Variants in TXNRD1 observed in about 807,000 individuals in gnomAD.
TXNRD1 encodes thioredoxin reductase 1.
A neutral mutation model predicts 80.3 loss-of-function variants in TXNRD1; 57 were observed. The ratio of observed to expected loss-of-function variants is 0.71; its 90% confidence interval spans 0.57 to 0.89. The LOEUF is 0.89. Among genes scored for constraint, TXNRD1 ranks in the 40% least tolerant of loss-of-function variants. TXNRD1 has a pLI of 0.00. For missense variants in TXNRD1, 730 were observed against 803.0 expected (o/e 0.91, Z 1.10); for synonymous variants, 291 against 285.2 (o/e 1.02, Z -0.20).
chr12:104,339,467 G>A (rs1422164155), intron 16 of TXNRD1, 194 bp downstream of exon 16: 2 of 772,514 alleles, frequency 2.6e-6, no homozygotes, highest in Non-Finnish European at 2.3e-6. Flanking sequence ...CTTCCGTCAT[G>A]TCGTTAAGTG....
chr12:104,326,469 T>C, intron 12 of TXNRD1, 46 bp downstream of exon 12: 2 of 1,274,162 alleles, frequency 1.6e-6, no homozygotes, highest in Non-Finnish European at 2.2e-6. Context: ...GATTTTTTTT[T>C]TTTTTTTTTT....
chr12:104,289,739 TAA>T (rs5800616), intron 4 of TXNRD1, among the ~76,000 whole-genome samples: 33,421 of 150,250 alleles, frequency 0.22, 3,801 homozygotes, highest in Middle Eastern at 0.3. Context: ...TTTATGTATT[TAA>T]AAAAAAAAAA....
chr12:104,235,902 G>A (rs552528482), intron 1 of TXNRD1, among the ~76,000 whole-genome samples: 41 of 152,324 alleles, frequency 2.7e-4, no homozygotes, highest in African/African-American at 9.4e-4. Flanking sequence ...CTTGTGCTAA[G>A]TCAGTTCCTG....
At chr12:104,251,459 A>G (rs2033115673) in intron 1 of TXNRD1, 68 bp from the exon 2 acceptor site, 1 of 1,507,314 alleles carries the variant, frequency 6.6e-7, no homozygotes, top group Admixed American at 1.9e-5. Context: ...GAGTGAACCT[A>G]ATATTAGAAA....
At chr12:104,245,647 T>A (rs1455532881) in intron 1 of TXNRD1, among the ~76,000 whole-genome samples, 4 of 45,532 alleles carry the variant, frequency 8.8e-5, no homozygotes, top group African/African-American at 2.7e-4. Flanking sequence ...AGACCCTGTC[T>A]CAAAAAAAAA....
At chr12:104,347,632 G>A (rs766686980) in intron 16 of TXNRD1, among the ~76,000 whole-genome samples, 12 of 152,192 alleles carry the variant, frequency 7.9e-5, no homozygotes, top group Non-Finnish European at 1.8e-4. Context: ...TCACAGCATC[G>A]TATTGCAAAG....
intron 1 of TXNRD1, among the ~76,000 whole-genome samples, chr12:104,217,907 C>T (rs558364014): frequency 5.3e-5 from 8 of 151,962 alleles, no homozygotes; most frequent in East Asian, 1.9e-4. Context: ...TTGTAGCATG[C>T]GACAGGATTT....
intron 14 of TXNRD1, among the ~76,000 whole-genome samples, chr12:104,332,749 CAAAAAAAAA>C (rs34106883): frequency 1.3e-5 from 1 of 76,732 alleles, no homozygotes; most frequent in Non-Finnish European, 2.5e-5. Flanking sequence ...AACTCCGTCT[CAAAAAAAAA>C]AAAAAAAAAA....
chr12:104,313,441 A>C, intron 6 of TXNRD1, 124 bp downstream of exon 6: 1 of 679,984 alleles, frequency 1.5e-6, no homozygotes. Flanking sequence ...AACAGCCCCA[A>C]AACATATATA....
chr12:104,346,018 GT>G (rs1290561434), intron 16 of TXNRD1: 28 of 1,286,332 alleles, frequency 2.2e-5, no homozygotes, highest in Non-Finnish European at 2.6e-5. Flanking sequence ...GACCCAAGCA[GT>G]TTTTTTCATT....
intron 4 of TXNRD1, among the ~76,000 whole-genome samples, chr12:104,299,031 A>G (rs139094253): frequency 6.6e-6 from 1 of 152,366 alleles, no homozygotes; most frequent in East Asian, 1.9e-4. Context: ...CTGTGGAACC[A>G]GCATATATGG....
intron 4 of TXNRD1, among the ~76,000 whole-genome samples, chr12:104,290,753 A>ATATATATATATATATATG (rs1315195074): frequency 7.9e-5 from 9 of 113,978 alleles, no homozygotes; most frequent in Non-Finnish European, 1.1e-4. Flanking sequence ...ATATATATAT[A>ATATATATATATATATATG]TATATGTATA....
Position 104,348,559 on chromosome 12 carries a change from TTGG to T in TXNRD1, c.*139_*141del. Reference sequence around the variant, plus strand: ...GTGCTTACCACCGCCCAAGGCCCCCTTGGATCTCTTGGATAGGAGTTGGTGAAT... The same window carrying T: ...GTGCTTACCACCGCCCAAGGCCCCCTATCTCTTGGATAGGAGTTGGTGAAT... On this transcript the variant is annotated 3_prime_UTR_variant, in exon 17 of 17. Coordinates refer to ENST00000525566, the MANE Select transcript of TXNRD1 (RefSeq NM_001093771.3). 1.4e-6 allele frequency: 1 copy of T among 692,882 alleles called. No homozygotes were observed. The highest frequency in any genetic ancestry group is 2.5e-6 in the Non-Finnish European group (1 of 406,322). 42.9% of individuals were successfully genotyped at this position (692,882 alleles called of 1,614,324 possible).
At chr12:104,325,286 C>A in intron 10 of TXNRD1, 51 bp from the exon 11 acceptor site, 1 of 1,435,090 alleles carries the variant, frequency 7.0e-7, no homozygotes, top group Non-Finnish European at 9.7e-7. Context: ...GGTAGAGAAT[C>A]CAACTTGATA....
chr12:104,257,276 G>GT (rs1229579913), intron 2 of TXNRD1, among the ~76,000 whole-genome samples: 3 of 151,176 alleles, frequency 2.0e-5, no homozygotes, highest in Non-Finnish European at 4.4e-5. Flanking sequence ...AGCATAATAG[G>GT]TTTTTTGTAA....
intron 3 of TXNRD1, among the ~76,000 whole-genome samples, chr12:104,264,811 T>C (rs1185901089): frequency 6.6e-6 from 1 of 152,224 alleles, no homozygotes; most frequent in African/African-American, 2.4e-5. Context: ...TTGCTGTATT[T>C]AGAATTATTT....
intron 3 of TXNRD1, chr12:104,288,632 G>A (rs1263106292): frequency 6.0e-6 from 4 of 662,956 alleles, no homozygotes; most frequent in South Asian, 5.9e-5. Context: ...AAAGTAGGAC[G>A]TTTAATTTTA....
At chr12:104,282,992 A>T (rs1242342494) in intron 3 of TXNRD1, 1 of 152,172 alleles carries the variant, frequency 6.6e-6, no homozygotes, top group African/African-American at 2.4e-5. Context: ...TTACTGCACC[A>T]GGTCGGGAGG....
At chr12:104,315,145 A>G (rs193151910) in intron 6 of TXNRD1, among the ~76,000 whole-genome samples, 1 of 152,348 alleles carries the variant, frequency 6.6e-6, no homozygotes, top group East Asian at 1.9e-4. Context: ...TTCAATGGCA[A>G]GTGCAGATGC....
Sources: allele counts gnomAD v4.1 joint callset (sites outside exome capture counted in the v4.1 genomes callset), GRCh38; gene constraint gnomAD v4.1.1; transcripts MANE v1.5; gene names NCBI Gene and HGNC (gene_info 2026-07-23, HGNC 2026-07-21).